NHS: variants seen among roughly 807,000 people sequenced by gnomAD.
NHS encodes actin remodeling regulator NHS.
Under a neutral mutation model 72.5 loss-of-function variants are expected in NHS, and 5 were observed. The observed-to-expected ratio is 0.07, with a 90% CI of 0.04 to 0.14. The LOEUF is 0.14. Among genes scored for constraint, NHS ranks in the 10% least tolerant of loss-of-function variants. The pLI is 1.00. For synonymous variants in NHS, 464 were observed against 547.7 expected (o/e 0.85, Z 2.13); for missense variants, 1,072 against 1,355.7 (o/e 0.79, Z 3.29).
chrX:17,591,214 G>A lies in NHS; in HGVS notation c.566-96528G>A, dbSNP rs182621904. ...CAGAGTTACTGTTGATGGAGAAAAT[G>A]AGTGGATTTTGCTGGTGTAAGAGAT... On this transcript the variant is annotated intron_variant, in intron 1 of 8. Coordinates refer to ENST00000676302, the MANE Select transcript of NHS (RefSeq NM_001291867.2). 8.9e-5 allele frequency among the ~76,000 whole-genome samples: 10 copies of A among 112,017 alleles called. No homozygotes were observed. In the East Asian group the frequency reaches 2.5e-3, roughly 28 times the overall value.
intron 1 of NHS, among the ~76,000 whole-genome samples, chrX:17,588,703 C>G (rs5909446): frequency 0.33 from 36,319 of 110,053 alleles, 4,433 homozygotes; most frequent in East Asian, 0.66. Context: ...GGCAGTTGGA[C>G]TCTGTAAACA....
At chrX:17,520,304 A>G (rs1336024219) in intron 1 of NHS, among the ~76,000 whole-genome samples, 2 of 112,244 alleles carry the variant, frequency 1.8e-5, no homozygotes, top group Non-Finnish European at 3.8e-5. Context: ...TCCTGCAAAC[A>G]TGGAAAATAG....
chrX:17,502,352 A>G (rs1376338415), intron 1 of NHS, among the ~76,000 whole-genome samples: 3 of 110,868 alleles, frequency 2.7e-5, no homozygotes, highest in Non-Finnish European at 5.7e-5. Flanking sequence ...CTCTCCATTT[A>G]TTCTCCTCCT....
chrX:17,732,132 A>G lies in NHS; in HGVS notation c.4624A>G (p.Ser1542Gly), dbSNP rs1262529417. ...YRMSATEILKSPILPKPPGEL... is the reference protein window; with the variant it reads ...YRMSATEILKGPILPKPPGEL... ...CATGTCTGCCACTGAGATCCTGAAGAGCCCCATACTGCCCAAACCTCCTGG... is the reference window on the plus strand; with the variant it reads ...CATGTCTGCCACTGAGATCCTGAAGGGCCCCATACTGCCCAAACCTCCTGG... Residue 1542 changes from serine (S) to glycine (G), a missense_variant, in exon 9 of 9, where the codon AGC becomes GGC. Coordinates refer to ENST00000676302, the MANE Select transcript of NHS (RefSeq NM_001291867.2). 1.7e-6 allele frequency: 2 copies of G among 1,211,845 alleles called. No individual in the cohort carries two copies. The highest frequency in any genetic ancestry group is 2.2e-6 in the Non-Finnish European group (2 of 895,497).
At chrX:17,488,257 A>T (rs893039927) in intron 1 of NHS, among the ~76,000 whole-genome samples, 5 of 111,881 alleles carry the variant, frequency 4.5e-5, no homozygotes, top group Non-Finnish European at 9.4e-5. Context: ...ATTCTGTCAT[A>T]CTAGAGTCAG....
chrX:17,403,491 T>G (rs2064512614), intron 1 of NHS, among the ~76,000 whole-genome samples: 1 of 111,358 alleles, frequency 9.0e-6, no homozygotes, highest in African/African-American at 3.3e-5. Flanking sequence ...AGGTTGAAAG[T>G]ACTACTATGG....
intron 1 of NHS, among the ~76,000 whole-genome samples, chrX:17,511,418 T>C (rs1042692293): frequency 3.3e-4 from 37 of 111,156 alleles, no homozygotes; most frequent in Non-Finnish European, 3.8e-5. Flanking sequence ...GCAGAACTAG[T>C]GTATTATTTG....
At chrX:17,713,707 A>T (rs1022907118) in intron 3 of NHS, among the ~76,000 whole-genome samples, 4 of 111,753 alleles carry the variant, frequency 3.6e-5, no homozygotes, top group Non-Finnish European at 7.5e-5. Context: ...TAAGAGAAAG[A>T]TTGGGGATCA....
intron 1 of NHS, among the ~76,000 whole-genome samples, chrX:17,567,454 C>T (rs758266882): frequency 8.9e-6 from 1 of 112,011 alleles, no homozygotes; most frequent in Non-Finnish European, 1.9e-5. Context: ...GCATCCCTGG[C>T]AGACTGCACC....
intron 1 of NHS, among the ~76,000 whole-genome samples, chrX:17,606,166 C>T (rs2065677940): frequency 8.9e-6 from 1 of 111,861 alleles, no homozygotes; most frequent in Non-Finnish European, 1.9e-5. Context: ...TCTGTTTGCA[C>T]CTGAGCTGCC....
At chrX:17,407,592 T>A (rs1211914173) in intron 1 of NHS, among the ~76,000 whole-genome samples, 1 of 111,902 alleles carries the variant, frequency 8.9e-6, no homozygotes, top group Non-Finnish European at 1.9e-5. Context: ...TTTGCCAGTG[T>A]TCAGGTAAGA....
intron 1 of NHS, among the ~76,000 whole-genome samples, chrX:17,470,953 G>A (rs1193205684): frequency 9.0e-6 from 1 of 111,310 alleles, no homozygotes; most frequent in African/African-American, 3.3e-5. Flanking sequence ...GTTGATCATT[G>A]TGTATCTCTG....
At chrX:17,379,254 T>A (rs1489001980) in intron 1 of NHS, among the ~76,000 whole-genome samples, 1 of 109,445 alleles carries the variant, frequency 9.1e-6, no homozygotes, top group East Asian at 2.9e-4. Flanking sequence ...AGAGTCACTC[T>A]GGAAGCAAGT....
intron 1 of NHS, among the ~76,000 whole-genome samples, chrX:17,470,370 T>G (rs2146902381): frequency 9.0e-6 from 1 of 111,598 alleles, no homozygotes; most frequent in African/African-American, 3.3e-5. Flanking sequence ...TGACAGTGGT[T>G]TACTCTTTGG....
At chrX:17,446,169 G>A (rs888472312) in intron 1 of NHS, among the ~76,000 whole-genome samples, 6 of 110,175 alleles carry the variant, frequency 5.4e-5, no homozygotes, top group South Asian at 3.9e-4. Context: ...TTCCCACGCC[G>A]CCCCAATCCT....
intron 1 of NHS, among the ~76,000 whole-genome samples, chrX:17,398,413 A>C (rs2064486918): frequency 1.8e-5 from 2 of 112,665 alleles, no homozygotes; most frequent in South Asian, 7.4e-4. Context: ...TAAAATCAGC[A>C]TGTGAACAAT....
chrX:17,436,937 A>G (rs1415408617), intron 1 of NHS, among the ~76,000 whole-genome samples: 1 of 111,951 alleles, frequency 8.9e-6, no homozygotes, highest in Non-Finnish European at 1.9e-5. Flanking sequence ...TGACAAAGCT[A>G]GGACCGGAAA....
intron 1 of NHS, among the ~76,000 whole-genome samples, chrX:17,667,718 C>T (rs2066020768): frequency 4.5e-5 from 5 of 111,071 alleles, no homozygotes; most frequent in Admixed American, 3.8e-4. Flanking sequence ...TGGCCTAAGG[C>T]GAGTTCTCAG....
At chrX:17,558,730 A>G (rs66748753) in intron 1 of NHS, among the ~76,000 whole-genome samples, 13,851 of 111,969 alleles carry the variant, frequency 0.12, 2,052 homozygotes, top group African/African-American at 0.42. Context: ...TAGGCACCTG[A>G]CAAGGTGAGG....
Sources: gnomAD v4.1 joint callset for allele counts (sites outside exome capture counted in the v4.1 genomes callset) on GRCh38, gnomAD v4.1.1 for gene constraint, MANE v1.5 for transcripts, NCBI Gene and HGNC (gene_info 2026-07-23, HGNC 2026-07-21) for gene names.